The following FAM81B variants were observed in gnomAD, a reference collection of about 807,000 sequenced individuals.
FAM81B encodes family with sequence similarity 81 member B.
Under a neutral mutation model 58.7 loss-of-function variants are expected in FAM81B, and 60 were observed. That is an observed-to-expected ratio of 1.02 (90% CI 0.83 to 1.27). The LOEUF (loss-of-function observed/expected upper bound fraction) is 1.27. FAM81B is among the 50% of genes most tolerant of loss of function. The pLI, the probability that FAM81B is intolerant of heterozygous loss-of-function variation, is 0.00. For synonymous variants in FAM81B, 189 were observed against 179.6 expected, an observed-to-expected ratio of 1.05 and a Z score of -0.42; for missense variants, 491 against 522.0, an observed-to-expected ratio of 0.94 and a Z score of 0.58.
chr5:95,406,810 A>AT (rs1227655891), intron 3 of FAM81B, among the ~76,000 whole-genome samples: 2 of 151,774 alleles, frequency 1.3e-5, no homozygotes, highest in Non-Finnish European at 2.9e-5. Context: ...TCAGCCCGGG[A>AT]TTTTTTTTAA....
intron 3 of FAM81B, among the ~76,000 whole-genome samples, chr5:95,398,856 G>T (rs372363998): frequency 1.3e-5 from 2 of 152,144 alleles, no homozygotes; most frequent in Non-Finnish European, 2.9e-5. Context: ...ATATTCTTAC[G>T]GTGTAGCAGG....
chr5:95,438,187 G>T (rs1231977772), intron 7 of FAM81B, among the ~76,000 whole-genome samples: 1 of 152,154 alleles, frequency 6.6e-6, no homozygotes, highest in Non-Finnish European at 1.5e-5. Flanking sequence ...CAAGTAAACA[G>T]AAAATATTCA....
intron 5 of FAM81B, chr5:95,423,934 G>T (rs1475650483): frequency 3.4e-5 from 37 of 1,077,996 alleles, no homozygotes; most frequent in Non-Finnish European, 4.5e-5. Context: ...TAGAGGCTCG[G>T]GTGGGTCATC....
At chr5:95,436,936 T>G in intron 7 of FAM81B, 30 bp downstream of exon 7, 1 of 1,541,310 alleles carries the variant, frequency 6.5e-7, no homozygotes, top group Non-Finnish European at 9.0e-7. Flanking sequence ...TTAATTCTGT[T>G]AAGTGCATTC....
chr5:95,392,714 T>A, intron 1 of FAM81B, 80 bp from the exon 2 acceptor site: 1 of 1,208,142 alleles, frequency 8.3e-7, no homozygotes, highest in Non-Finnish European at 1.2e-6. Flanking sequence ...GAAACTGCCC[T>A]CAATTAAAAA....
chr5:95,404,913 AAATGG>A (rs1762206397), intron 3 of FAM81B, among the ~76,000 whole-genome samples: 1 of 152,340 alleles, frequency 6.6e-6, no homozygotes. Flanking sequence ...TGAATGAGAT[AAATGG>A]AGGGAAGAAT....
At chr5:95,402,195 C>T (rs1180426670) in intron 3 of FAM81B, among the ~76,000 whole-genome samples, 4 of 152,294 alleles carry the variant, frequency 2.6e-5, no homozygotes, top group East Asian at 1.9e-4. Context: ...ATAATGGCCT[C>T]GTCAGGAATC....
At chr5:95,436,606 G>T (rs1220002952) in intron 6 of FAM81B, among the ~76,000 whole-genome samples, 194 bp from the exon 7 acceptor site, 1 of 152,192 alleles carries the variant, frequency 6.6e-6, no homozygotes. Flanking sequence ...CTTGAAGATA[G>T]TGTAACTGTA....
At chr5:95,425,134 A>G (rs1335996168) in intron 5 of FAM81B, among the ~76,000 whole-genome samples, 1 of 151,878 alleles carries the variant, frequency 6.6e-6, no homozygotes, top group African/African-American at 2.4e-5. Context: ...CCAATATAGA[A>G]CTAATAGAAG....
intron 6 of FAM81B, among the ~76,000 whole-genome samples, chr5:95,431,888 T>A (rs1000369771): frequency 6.6e-6 from 1 of 152,026 alleles, no homozygotes; most frequent in African/African-American, 2.4e-5. Context: ...CTGTAAATGG[T>A]AATAATTTTA....
intron 5 of FAM81B, among the ~76,000 whole-genome samples, 167 bp from the exon 6 acceptor site, chr5:95,428,436 G>A (rs980093267): frequency 1.5e-4 from 23 of 152,252 alleles, no homozygotes; most frequent in African/African-American, 4.8e-4. Context: ...ATCAGAAAGA[G>A]AAGGGAAAAA....
chr5:95,450,075 G>T, intron 9 of FAM81B, 74 bp from the exon 10 acceptor site: 1 of 1,494,418 alleles, frequency 6.7e-7, no homozygotes, highest in African/African-American at 1.4e-5. Context: ...TGGCAGGACT[G>T]CCGATTAGCA....
rs1166567892 is a variant in FAM81B at position 95,450,308 on chromosome 5, T to C, written c.*26T>C. The C allele has an allele frequency of 2.5e-6, 4 of 1,608,980 alleles. No individual in the cohort carries two copies. Among genetic ancestry groups the C allele is most frequent in the East Asian group, 2.2e-5 (1 of 44,640 alleles). ...ACCTTTTCAGTCATCTTCTTTTTCA[T>C]CAGCCAATGGAGTGATTTGTTGGAA... On this transcript the variant is annotated 3_prime_UTR_variant, in exon 10 of 10. Transcript: ENST00000283357.
At chr5:95,417,489 C>T (rs1400538121) in intron 4 of FAM81B, among the ~76,000 whole-genome samples, 1 of 152,114 alleles carries the variant, frequency 6.6e-6, no homozygotes. Flanking sequence ...ACAACAACAA[C>T]AACAAAATTA....
chr5:95,430,175 T>C (rs920051478), intron 6 of FAM81B, among the ~76,000 whole-genome samples: 7 of 152,104 alleles, frequency 4.6e-5, no homozygotes, highest in Admixed American at 4.6e-4. Flanking sequence ...AGATAATGCA[T>C]ACACATAGCT....
rs1561298829 is a variant in FAM81B, at chr5:95,415,069, C to CTTATAA, written c.537+879_537+880insTTATAA. Among the ~76,000 whole-genome samples the CTTATAA allele has an allele frequency of 4.7e-4, 72 of 152,302 alleles. 1 individual carries two copies. The highest frequency in any genetic ancestry group is 1.7e-3 in the African/African-American group (71 of 41,578). On this transcript the variant is annotated intron_variant, in intron 4 of 9. Transcript: ENST00000283357. Reference sequence around the variant, plus strand: ...ATGAATAAATTAATTAATTTTAAGGCATTAGAGTAAAAATAGAGTTTCTCA... The same window carrying CTTATAA: ...ATGAATAAATTAATTAATTTTAAGGCTTATAAATTAGAGTAAAAATAGAGTTTCTCA...
chr5:95,437,937 A>G (rs752673899), intron 7 of FAM81B, among the ~76,000 whole-genome samples: 1 of 152,190 alleles, frequency 6.6e-6, no homozygotes, highest in Non-Finnish European at 1.5e-5. Context: ...TATCCTGATA[A>G]TACTCTACTT....
intron 5 of FAM81B, among the ~76,000 whole-genome samples, chr5:95,426,917 C>T (rs141239756): frequency 1.4e-4 from 21 of 152,206 alleles, no homozygotes; most frequent in East Asian, 9.7e-4. Context: ...GGCGTGGTGG[C>T]GCATGCCTGT....
intron 5 of FAM81B, among the ~76,000 whole-genome samples, chr5:95,423,416 A>G (rs1216114553): frequency 6.6e-6 from 1 of 151,844 alleles, no homozygotes; most frequent in African/African-American, 2.4e-5. Context: ...TGAAGTGCAA[A>G]AAAGGAAAAG....
Sources: gnomAD v4.1 joint callset for allele counts (sites outside exome capture counted in the v4.1 genomes callset) on GRCh38, gnomAD v4.1.1 for gene constraint, MANE v1.5 for transcripts, NCBI Gene and HGNC (gene_info 2026-07-23, HGNC 2026-07-21) for gene names.